The following MYLK2 variants were observed in gnomAD, a reference collection of about 807,000 sequenced individuals.
MYLK2 encodes the protein myosin light chain kinase 2, also known as myosin light chain kinase 2, skeletal/cardiac muscle.
In MYLK2, 27 loss-of-function variants were observed where a neutral mutation model predicts 58.2. That is an observed-to-expected ratio of 0.46 (90% CI 0.34 to 0.64). The LOEUF is 0.64. Among genes scored for constraint, MYLK2 ranks in the 30% least tolerant of loss-of-function variants. The pLI is 0.01. For missense variants in MYLK2, 676 were observed against 764.3 expected, an observed-to-expected ratio of 0.88 and a Z score of 1.36; for synonymous variants, 310 against 296.7, an observed-to-expected ratio of 1.04 and a Z score of -0.46.
intron 4 of MYLK2, 150 bp from the exon 5 acceptor site, chr20:31,823,327 A>G: frequency 1.5e-6 from 1 of 686,160 alleles, no homozygotes; most frequent in Non-Finnish European, 2.5e-6. Flanking sequence ...TGGGCCCCAT[A>G]GCCCCTATCC....
chr20:31,824,765 C>T (rs2062270334), intron 6 of MYLK2, among the ~76,000 whole-genome samples: 1 of 152,210 alleles, frequency 6.6e-6, no homozygotes, highest in African/African-American at 2.4e-5. Flanking sequence ...CTAGTACCCA[C>T]GGCCTGGGCT....
At chr20:31,824,991 G>T (rs375229424) in intron 6 of MYLK2, among the ~76,000 whole-genome samples, 1 of 152,174 alleles carries the variant, frequency 6.6e-6, no homozygotes, top group Non-Finnish European at 1.5e-5. Flanking sequence ...CCTTTTGAGC[G>T]AGGGCTTTGA....
chr20:31,823,749 C>G (rs1163326114), intron 5 of MYLK2, among the ~76,000 whole-genome samples, 167 bp downstream of exon 5: 2 of 152,234 alleles, frequency 1.3e-5, no homozygotes, highest in East Asian at 3.8e-4. Flanking sequence ...CTGTCACATG[C>G]TGATGTGCAC....
Position 31,824,106 on chromosome 20 carries a change from G to T in MYLK2, c.879-153G>T, listed in dbSNP as rs2062266280. ...CAGAACAGCTCACAGCTTCAGGAGG[G>T]AGTCAGGGCTGGCTGGGGTGAGTGC... On this transcript the variant is annotated intron_variant, in intron 5 of 12. Coordinates refer to ENST00000375985, the MANE Select transcript of MYLK2 (RefSeq NM_033118.4). The T allele has an allele frequency of 5.1e-6, 5 of 985,352 alleles. No homozygotes were observed. In the South Asian group the frequency reaches 1.9e-4, roughly 37 times the overall value. The allele number at this position is 985,352 out of a possible 1,614,324, so 61.0% of individuals were successfully genotyped here. A position where few individuals can be genotyped will look rare whatever the true frequency, so the allele number is the denominator to read the frequency against.
At chr20:31,824,128 G>A (rs1383315303) in intron 5 of MYLK2, 131 bp from the exon 6 acceptor site, 26 of 1,526,292 alleles carry the variant, frequency 1.7e-5, no homozygotes, top group Non-Finnish European at 2.3e-5. Flanking sequence ...GCTGGGGTGA[G>A]TGCTCCCATC....
intron 10 of MYLK2, 48 bp from the exon 11 acceptor site, chr20:31,831,655 A>G: frequency 6.2e-7 from 1 of 1,602,262 alleles, no homozygotes; most frequent in South Asian, 1.1e-5. Context: ...AAGGTGACTC[A>G]GCACCTCCAA....
Position 31,819,588 on chromosome 20 carries a change from C to A in MYLK2, c.8C>A (p.Thr3Lys). Residue 3 changes from threonine (T) to lysine (K), a missense_variant, in exon 2 of 13, where the codon ACA becomes AAA. Around this residue, in one of 2 missense-constraint regions of MYLK2, gnomAD observed 306 missense variants for 296.5 expected, o/e 1.03. Transcript: ENST00000375985. Reference sequence around the variant, plus strand: ...CACACGCCTCCCTACCTCATGGCGACAGAAAATGGAGCAGTTGAGCTGGGA... The same window carrying A: ...CACACGCCTCCCTACCTCATGGCGAAAGAAAATGGAGCAGTTGAGCTGGGA... Reference protein sequence around the residue: MATENGAVELGIQ... With the variant: MAKENGAVELGIQ... 1 of 1,551,574 alleles carries A rather than the reference C, an allele frequency of 6.4e-7. No individual in the cohort carries two copies. Among genetic ancestry groups the A allele is most frequent in the Non-Finnish European group, 8.7e-7 (1 of 1,147,000 alleles).
rs200204126 is a variant in MYLK2, at chr20:31,820,230, G to A, written c.157G>A (p.Asp53Asn). ...KAPDPPTLKK[D>N]AKAPASEKGD... is the part of the protein sequence containing the mutation. ...TCCGGATCCACCCACCCTGAAGAAA[G>A]ATGCCAAAGCCCCTGCCTCAGAGAA... Residue 53 changes from aspartate (D) to asparagine (N), a missense_variant, in exon 3 of 13, where the codon GAT (aspartate) becomes AAT (asparagine). Coordinates refer to ENST00000375985, the MANE Select transcript of MYLK2 (RefSeq NM_033118.4). 4.5e-5 allele frequency: 72 copies of A among 1,614,052 alleles called. No individual in the cohort carries two copies. In the African/African-American group the frequency reaches 7.1e-4, roughly 16 times the overall value.
chr20:31,824,372 G>A lies in MYLK2; in HGVS notation c.972+20G>A. 1.9e-6 allele frequency: 3 copies of A among 1,600,526 alleles called. No individual in the cohort carries two copies. Among genetic ancestry groups the A allele is most frequent in the Non-Finnish European group, 2.6e-6 (3 of 1,172,194 alleles). The stretch of plus-strand genomic sequence containing the variant: ...GACAAGGTAGTGAGGTTGCGGGGGT[G>A]GTGGCTGCCCAGGATGGGGAGGGGA... On this transcript the variant is annotated intron_variant, in intron 6 of 12. Coordinates refer to ENST00000375985, the MANE Select transcript of MYLK2 (RefSeq NM_033118.4).
intron 3 of MYLK2, 151 bp from the exon 4 acceptor site, chr20:31,821,288 A>G: frequency 2.6e-6 from 2 of 774,066 alleles, no homozygotes; most frequent in South Asian, 1.7e-5. Context: ...ACAGCCATGA[A>G]CATCCCTTAA....
At chr20:31,826,500 T>G in intron 6 of MYLK2, 105 bp from the exon 7 acceptor site, 2 of 1,492,672 alleles carry the variant, frequency 1.3e-6, no homozygotes, top group East Asian at 2.4e-5. Flanking sequence ...GGCTGAGCAG[T>G]GATCTGGGCA....
chr20:31,821,769 C>A (rs752443810), intron 4 of MYLK2, 32 bp downstream of exon 4: 1 of 1,551,898 alleles, frequency 6.4e-7, no homozygotes, highest in African/African-American at 1.4e-5. Context: ...GCTGGGGCTG[C>A]CCTGGGGCCA....
chr20:31,824,380 C>A (rs760295790), intron 6 of MYLK2, 28 bp downstream of exon 6: 1 of 1,594,304 alleles, frequency 6.3e-7, no homozygotes, highest in South Asian at 1.1e-5. Flanking sequence ...GTGGTGGCTG[C>A]CCAGGATGGG....
intron 11 of MYLK2, 36 bp from the exon 12 acceptor site, chr20:31,831,968 A>G (rs1427285991): frequency 1.9e-6 from 3 of 1,612,672 alleles, no homozygotes; most frequent in Non-Finnish European, 2.5e-6. Flanking sequence ...CCTCACGAGC[A>G]TGCAGCCCAC....
At chr20:31,828,464 C>G in intron 8 of MYLK2, 1 of 985,334 alleles carries the variant, frequency 1.0e-6, no homozygotes, top group African/African-American at 1.7e-5. Flanking sequence ...TAAGCACGTG[C>G]TGGGTACCTG....
chr20:31,833,671 C>T, intron 12 of MYLK2, 46 bp from the exon 13 acceptor site: 2 of 1,545,054 alleles, frequency 1.3e-6, no homozygotes, highest in Non-Finnish European at 8.9e-7. Context: ...TGCAGCTGCC[C>T]CCCTGCCCTG....
chr20:31,826,301 C>T (rs867552974), intron 6 of MYLK2, among the ~76,000 whole-genome samples: 13 of 152,078 alleles, frequency 8.5e-5, no homozygotes, highest in Non-Finnish European at 1.0e-4. Context: ...AATGTAAAGT[C>T]ATGAGACTTT....
intron 2 of MYLK2, among the ~76,000 whole-genome samples, 197 bp downstream of exon 2, chr20:31,819,829 C>T (rs1160554364): frequency 6.6e-6 from 1 of 152,100 alleles, no homozygotes; most frequent in Non-Finnish European, 1.5e-5. Flanking sequence ...CTGGAGAGAC[C>T]AGGAAAATGT....
intron 4 of MYLK2, 60 bp from the exon 5 acceptor site, chr20:31,823,417 C>A: frequency 2.0e-6 from 3 of 1,499,826 alleles, no homozygotes; most frequent in Non-Finnish European, 2.8e-6. Flanking sequence ...AGGGGTGGTG[C>A]CAAGGGGAAT....
Sources: allele counts gnomAD v4.1 joint callset (sites outside exome capture counted in the v4.1 genomes callset), GRCh38; gene constraint gnomAD v4.1.1; regional missense constraint gnomAD v4.1.1; transcripts MANE v1.5; gene names NCBI Gene and HGNC (gene_info 2026-07-23, HGNC 2026-07-21).